Variants in CRB1 observed in about 807,000 individuals in gnomAD.
CRB1 encodes the protein crumbs cell polarity complex component 1, also known as protein crumbs homolog 1.
In CRB1, 83 loss-of-function variants were observed where a neutral mutation model predicts 120.0. The ratio of observed to expected loss-of-function variants is 0.69; its 90% CI spans 0.58 to 0.83. CRB1 has a LOEUF of 0.83. CRB1 is among the 40% of genes least tolerant of loss of function. The pLI, the probability that CRB1 is intolerant of heterozygous loss-of-function variation, is 0.00. For synonymous variants in CRB1, 625 were observed against 612.5 expected, an observed-to-expected ratio of 1.02 and a Z score of -0.30; for missense variants, 1,699 against 1,687.6, an observed-to-expected ratio of 1.01 and a Z score of -0.12.
intron 6 of CRB1, among the ~76,000 whole-genome samples, chr1:197,423,129 G>C (rs1664419008): frequency 6.6e-6 from 1 of 152,044 alleles, no homozygotes; most frequent in Non-Finnish European, 1.5e-5. Context: ...ATTGACCTAA[G>C]GCAATATTTT....
At chr1:197,356,726 A>G in intron 4 of CRB1, 105 bp from the exon 5 acceptor site, 1 of 1,146,264 alleles carries the variant, frequency 8.7e-7, no homozygotes, top group South Asian at 1.3e-5. Flanking sequence ...CAGGCACATC[A>G]ACTTGCTAAA....
chr1:197,439,271 C>T (rs1240971390), intron 10 of CRB1: 2 of 157,932 alleles, frequency 1.3e-5, no homozygotes, highest in South Asian at 3.7e-4. Flanking sequence ...TAGCTTTTAT[C>T]AGCTGCTTAA....
At chr1:197,447,338 A>T (rs1178885960) in intron 11 of CRB1, 2 of 152,244 alleles carry the variant, frequency 1.3e-5, no homozygotes, top group Non-Finnish European at 2.9e-5. Context: ...AAAGCCAAAA[A>T]AGGAGGGAGA....
At chr1:197,470,052 T>C (rs1280725478) in intron 11 of CRB1, among the ~76,000 whole-genome samples, 1 of 152,146 alleles carries the variant, frequency 6.6e-6, no homozygotes, top group Non-Finnish European at 1.5e-5. Flanking sequence ...TACGTAAAAA[T>C]CCCAAGAGGA....
chr1:197,471,908 C>A (rs746933651), intron 11 of CRB1, among the ~76,000 whole-genome samples: 5 of 152,206 alleles, frequency 3.3e-5, no homozygotes, highest in Non-Finnish European at 7.3e-5. Context: ...TTCACAAGAA[C>A]TGCTCTCCAA....
chr1:197,411,239 A>T (rs1663696949), intron 5 of CRB1, among the ~76,000 whole-genome samples: 1 of 152,082 alleles, frequency 6.6e-6, no homozygotes, highest in African/African-American at 2.4e-5. Context: ...TTAGAAAGGG[A>T]TTTTCATTTC....
At chr1:197,248,331 C>A in the CRB1 span, among the ~76,000 whole-genome samples, 1 of 151,922 alleles carries the variant, frequency 6.6e-6, no homozygotes, top group East Asian at 1.9e-4. Context: ...GCTCTGGAGT[C>A]CGACGGGTCT....
chr1:197,456,411 G>A (rs914371220), intron 11 of CRB1, among the ~76,000 whole-genome samples: 2 of 152,004 alleles, frequency 1.3e-5, no homozygotes, highest in African/African-American at 4.8e-5. Flanking sequence ...GTGTGTGAAT[G>A]TTTTTATTCA....
At chr1:197,334,999 G>A (rs1471490551) in intron 2 of CRB1, among the ~76,000 whole-genome samples, 1 of 152,164 alleles carries the variant, frequency 6.6e-6, no homozygotes, top group Non-Finnish European at 1.5e-5. Flanking sequence ...ATTAACTTTA[G>A]GTAGAATGAT....
intron 6 of CRB1, among the ~76,000 whole-genome samples, chr1:197,425,640 C>G (rs1186628184): frequency 6.6e-6 from 1 of 152,114 alleles, no homozygotes; most frequent in Admixed American, 6.6e-5. Flanking sequence ...TTCTCAATAC[C>G]AGTTAACACA....
At chr1:197,204,160 T>G in the CRB1 span, among the ~76,000 whole-genome samples, 1 of 152,248 alleles carries the variant, frequency 6.6e-6, no homozygotes, top group Non-Finnish European at 1.5e-5. Context: ...ATAATATATA[T>G]GTATACTACA....
At chr1:197,345,241 C>G (rs961715928) in intron 3 of CRB1, among the ~76,000 whole-genome samples, 3 of 152,066 alleles carry the variant, frequency 2.0e-5, no homozygotes, top group Non-Finnish European at 4.4e-5. Context: ...TTAAAATTAT[C>G]GTTTGATTCT....
the CRB1 span, among the ~76,000 whole-genome samples, chr1:197,233,299 C>T: frequency 4.6e-5 from 7 of 152,192 alleles, no homozygotes; most frequent in African/African-American, 1.4e-4. Context: ...TAAACTCCGT[C>T]AAGTAGTTGC....
At chr1:197,439,160 T>G (rs532440663) in intron 10 of CRB1, 90 of 167,368 alleles carry the variant, frequency 5.4e-4, no homozygotes, top group African/African-American at 2.1e-3. Flanking sequence ...AGTTGGTCAA[T>G]GGCTTCAGGC....
At chr1:197,409,950 C>T (rs970305598) in intron 5 of CRB1, among the ~76,000 whole-genome samples, 1 of 152,004 alleles carries the variant, frequency 6.6e-6, no homozygotes, top group Admixed American at 6.5e-5. Flanking sequence ...TGCCCGGCTA[C>T]TTTTTTTGTA....
chr1:197,351,731 G>A (rs534111875), intron 4 of CRB1, among the ~76,000 whole-genome samples: 2 of 152,080 alleles, frequency 1.3e-5, no homozygotes, highest in Non-Finnish European at 2.9e-5. Flanking sequence ...TGGGGCGAGG[G>A]GTAGTCCTGA....
the CRB1 span, among the ~76,000 whole-genome samples, chr1:197,260,371 G>A: frequency 6.6e-6 from 1 of 152,040 alleles, no homozygotes; most frequent in Admixed American, 6.6e-5. Context: ...AATTAAAACT[G>A]TAAGTTAGAT....
chr1:197,241,070 G>A, the CRB1 span, among the ~76,000 whole-genome samples: 2 of 152,034 alleles, frequency 1.3e-5, no homozygotes, highest in Non-Finnish European at 2.9e-5. Context: ...TTGTAAATTT[G>A]TTTAAGCTCC....
the CRB1 span, among the ~76,000 whole-genome samples, chr1:197,241,641 T>G: frequency 2.0e-5 from 3 of 152,140 alleles, no homozygotes; most frequent in Admixed American, 2.0e-4. Context: ...GCATGATGCC[T>G]CCAGCTTTGT....
Sources: gnomAD v4.1 joint callset for allele counts (sites outside exome capture counted in the v4.1 genomes callset) on GRCh38, gnomAD v4.1.1 for gene constraint, MANE v1.5 for transcripts, NCBI Gene and HGNC (gene_info 2026-07-23, HGNC 2026-07-21) for gene names.